Variants in BCAP29 observed in about 807,000 individuals in gnomAD.
BCAP29 encodes the protein B cell receptor associated protein 29, also known as B-cell receptor-associated protein 29.
A neutral mutation model predicts 31.8 loss-of-function variants in BCAP29; 34 were observed. The observed-to-expected ratio is 1.07, with a 90% CI of 0.81 to 1.42. BCAP29 has a LOEUF of 1.42. BCAP29 is among the 40% of genes most tolerant of loss of function. The pLI, the probability that BCAP29 is intolerant of heterozygous loss-of-function variation, is 0.00. For synonymous variants in BCAP29, 104 were observed against 91.3 expected, an observed-to-expected ratio of 1.14 and a Z score of -0.79; for missense variants, 314 against 269.2, an observed-to-expected ratio of 1.17 and a Z score of -1.16.
chr7:107,602,964 CTTTTTTTTTTT>C (rs34887499), intron 6 of BCAP29, among the ~76,000 whole-genome samples: 4 of 68,290 alleles, frequency 5.9e-5, no homozygotes, highest in Admixed American at 4.4e-4. Flanking sequence ...TTCTTTTATT[CTTTTTTTTTTT>C]TTTTTTTTTT....
downstream of BCAP29, chr7:107,623,012 G>C (rs558766694): frequency 6.6e-6 from 1 of 152,258 alleles, no homozygotes; most frequent in South Asian, 2.1e-4. Flanking sequence ...GTGGAAATAG[G>C]ACTGTCATGT....
intron 3 of BCAP29, chr7:107,587,926 A>T (rs747019102): frequency 2.2e-4 from 33 of 152,282 alleles, no homozygotes; most frequent in Admixed American, 1.1e-3. Flanking sequence ...TTAAACTTCA[A>T]ATTGTACAGA....
chr7:107,602,964 CTTTTTTTTTT>C (rs34887499), intron 6 of BCAP29, among the ~76,000 whole-genome samples: 3 of 68,290 alleles, frequency 4.4e-5, no homozygotes, highest in African/African-American at 1.9e-4. Context: ...TTCTTTTATT[CTTTTTTTTTT>C]TTTTTTTTTT....
intron 5 of BCAP29, among the ~76,000 whole-genome samples, chr7:107,597,691 A>AT (rs977237900): frequency 1.3e-5 from 2 of 152,218 alleles, no homozygotes; most frequent in African/African-American, 4.8e-5. Context: ...TTCAACTAAT[A>AT]TGTGACAGAA....
chr7:107,589,590 C>T (rs1273755104), intron 3 of BCAP29, among the ~76,000 whole-genome samples: 1 of 152,216 alleles, frequency 6.6e-6, no homozygotes. Context: ...CACTGGCCTG[C>T]CAATCACCTC....
chr7:107,596,475 G>C (rs1417446216), intron 5 of BCAP29, among the ~76,000 whole-genome samples: 1 of 152,102 alleles, frequency 6.6e-6, no homozygotes, highest in Non-Finnish European at 1.5e-5. Context: ...CATAATATTT[G>C]AAATCTTTAA....
chr7:107,609,717 G>A (rs1812790451), intron 6 of BCAP29, among the ~76,000 whole-genome samples: 1 of 152,158 alleles, frequency 6.6e-6, no homozygotes, highest in Admixed American at 6.5e-5. Context: ...AAGCATTACT[G>A]TAGATTAACA....
chr7:107,580,054 C>T (rs1186316054), upstream of BCAP29: 1 of 152,326 alleles, frequency 6.6e-6, no homozygotes, highest in African/African-American at 2.4e-5. Flanking sequence ...AGTTGCGCTC[C>T]GACCTCCAAG....
intron 4 of BCAP29, among the ~76,000 whole-genome samples, chr7:107,595,207 C>G (rs554555844): frequency 6.6e-6 from 1 of 152,174 alleles, no homozygotes; most frequent in African/African-American, 2.4e-5. Flanking sequence ...TCTTCTCTTA[C>G]AGGTGCTCAA....
chr7:107,595,484 C>A (rs549774672), intron 4 of BCAP29, among the ~76,000 whole-genome samples: 1 of 152,160 alleles, frequency 6.6e-6, no homozygotes, highest in Admixed American at 6.5e-5. Flanking sequence ...AGCTGTTCTT[C>A]GGCTTGTTTG....
At chr7:107,599,828 T>G (rs1019510447) in intron 5 of BCAP29, among the ~76,000 whole-genome samples, 12 of 152,166 alleles carry the variant, frequency 7.9e-5, no homozygotes, top group African/African-American at 2.9e-4. Flanking sequence ...CCAGAATCAA[T>G]TTTAAAATAT....
chr7:107,592,013 C>T (rs1808955596), intron 3 of BCAP29, among the ~76,000 whole-genome samples: 1 of 152,022 alleles, frequency 6.6e-6, no homozygotes, highest in African/African-American at 2.4e-5. Context: ...TCTCCATCTC[C>T]TGGCCTCATG....
chr7:107,599,294 A>ATTTTT (rs1810646893), intron 5 of BCAP29, among the ~76,000 whole-genome samples: 1 of 36,866 alleles, frequency 2.7e-5, no homozygotes, highest in African/African-American at 1.1e-4. Flanking sequence ...TTTATATATA[A>ATTTTT]ATTATATATA....
chr7:107,602,079 T>G (rs1811275999), intron 6 of BCAP29, among the ~76,000 whole-genome samples: 1 of 152,216 alleles, frequency 6.6e-6, no homozygotes, highest in Admixed American at 6.5e-5. Flanking sequence ...TTTGACAATG[T>G]AAGCATTGTG....
rs1273758289 is a variant in BCAP29, at chr7:107,618,682, G to A, written c.*319G>A. 30 of 1,166,414 alleles carry A rather than the reference G, an allele frequency of 2.6e-5. No individual in the cohort carries two copies. The highest frequency in any genetic ancestry group is 3.2e-5 in the Non-Finnish European group (27 of 840,482). The allele number at this position is 1,166,414 out of a possible 1,614,324, so 72.3% of individuals were successfully genotyped here. ...TAACCGGTTGCTTCCAAAATTAGAA[G>A]TTTTAAGTTGCATGAAACCATTAAT... On this transcript the variant is annotated 3_prime_UTR_variant, in exon 8 of 8. Coordinates refer to ENST00000005259, the MANE Select transcript of BCAP29 (RefSeq NM_018844.4).
chr7:107,594,283 G>C, intron 4 of BCAP29, 178 bp downstream of exon 4: 1 of 579,742 alleles, frequency 1.7e-6, no homozygotes, highest in South Asian at 2.3e-5. Context: ...CAAACTCCTG[G>C]GTTCAAGTGA....
chr7:107,613,518 A>C, intron 7 of BCAP29, 86 bp downstream of exon 7: 1 of 1,322,350 alleles, frequency 7.6e-7, no homozygotes, highest in Non-Finnish European at 1.1e-6. Context: ...GTCCTTAACT[A>C]ATCAAGATGA....
chr7:107,609,821 G>T (rs1202565974), intron 6 of BCAP29, among the ~76,000 whole-genome samples: 2 of 152,164 alleles, frequency 1.3e-5, no homozygotes, highest in Non-Finnish European at 2.9e-5. Flanking sequence ...CTCAGAAAGA[G>T]AACCAAATAA....
At chr7:107,598,472 T>A (rs1005509425) in intron 5 of BCAP29, among the ~76,000 whole-genome samples, 2 of 152,316 alleles carry the variant, frequency 1.3e-5, no homozygotes, top group Admixed American at 1.3e-4. Context: ...GCCTAATCTC[T>A]ATATAGCACA....
Sources: allele counts gnomAD v4.1 joint callset (sites outside exome capture counted in the v4.1 genomes callset), GRCh38; gene constraint gnomAD v4.1.1; transcripts MANE v1.5; gene names NCBI Gene and HGNC (gene_info 2026-07-23, HGNC 2026-07-21).